AOAH: variants seen among roughly 807,000 people sequenced by gnomAD.
AOAH encodes the protein acyloxyacyl hydrolase, also known as acyloxyacyl hydrolase (neutrophil).
In AOAH, 64 loss-of-function variants were observed where a neutral mutation model predicts 92.2. The ratio of observed to expected loss-of-function variants is 0.69; its 90% confidence interval spans 0.57 to 0.86. AOAH has a LOEUF of 0.86. Among genes scored for constraint, AOAH ranks in the 40% least tolerant of loss-of-function variants. AOAH has a pLI of 0.00. For missense variants in AOAH, 656 were observed against 694.6 expected (o/e 0.94, Z 0.62); for synonymous variants, 263 against 254.5 (o/e 1.03, Z -0.32).
At chr7:36,560,774 A>C (rs1363675408) in intron 13 of AOAH, among the ~76,000 whole-genome samples, 3 of 152,194 alleles carry the variant, frequency 2.0e-5, no homozygotes, top group Non-Finnish European at 4.4e-5. Flanking sequence ...ACTATGCTGA[A>C]CAGGAGTGAT....
intron 5 of AOAH, among the ~76,000 whole-genome samples, chr7:36,635,582 T>C (rs1793460618): frequency 1.3e-5 from 2 of 152,060 alleles, no homozygotes; most frequent in African/African-American, 4.8e-5. Context: ...GCGGGTGGGT[T>C]TGTGATCAGG....
chr7:36,561,916 C>T (rs534896633), intron 13 of AOAH, among the ~76,000 whole-genome samples: 3 of 152,154 alleles, frequency 2.0e-5, no homozygotes, highest in East Asian at 3.9e-4. Context: ...GACAAGGATG[C>T]GAGACCAACG....
At chr7:36,595,628 T>C (rs1473564055) in intron 11 of AOAH, among the ~76,000 whole-genome samples, 6 of 152,248 alleles carry the variant, frequency 3.9e-5, no homozygotes, top group African/African-American at 1.4e-4. Context: ...TTAGTATGTC[T>C]CATGCATGCA....
intron 11 of AOAH, among the ~76,000 whole-genome samples, chr7:36,612,492 T>C (rs1791536446): frequency 6.6e-6 from 1 of 152,232 alleles, no homozygotes; most frequent in Non-Finnish European, 1.5e-5. Context: ...TATAAATAAA[T>C]ACCTCTGTGA....
At chr7:36,534,126 G>A (rs554004663) in intron 16 of AOAH, among the ~76,000 whole-genome samples, 104 of 152,258 alleles carry the variant, frequency 6.8e-4, no homozygotes, top group African/African-American at 1.6e-3. Context: ...CAGAGGGGCC[G>A]GAGTTTGTCC....
chr7:36,528,440 T>C (rs746667447), intron 19 of AOAH, among the ~76,000 whole-genome samples: 8 of 152,202 alleles, frequency 5.3e-5, no homozygotes, highest in Non-Finnish European at 1.2e-4. Context: ...ATAAAGCTCT[T>C]CTCTCTATAT....
intron 11 of AOAH, among the ~76,000 whole-genome samples, chr7:36,596,079 C>A (rs570620016): frequency 7.0e-4 from 107 of 152,186 alleles, no homozygotes; most frequent in African/African-American, 2.6e-3. Context: ...GAAAGTATGT[C>A]ATTGTTCTTT....
intron 2 of AOAH, among the ~76,000 whole-genome samples, chr7:36,676,424 C>T (rs1364992615): frequency 6.6e-6 from 1 of 152,154 alleles, no homozygotes; most frequent in Non-Finnish European, 1.5e-5. Flanking sequence ...AAAATATATA[C>T]TCTGAAAACT....
At chr7:36,663,600 A>G (rs1795349139) in intron 3 of AOAH, among the ~76,000 whole-genome samples, 1 of 152,184 alleles carries the variant, frequency 6.6e-6, no homozygotes, top group Admixed American at 6.5e-5. Context: ...TTTCTCACTT[A>G]GTAACACGCA....
intron 13 of AOAH, 60 bp downstream of exon 13, chr7:36,576,514 A>G: frequency 1.0e-6 from 1 of 977,848 alleles, no homozygotes; most frequent in Non-Finnish European, 1.5e-6. Context: ...TGAGGTACTT[A>G]TGAAATAAAC....
At chr7:36,703,267 C>T (rs1798142981) in intron 1 of AOAH, among the ~76,000 whole-genome samples, 1 of 152,130 alleles carries the variant, frequency 6.6e-6, no homozygotes. Context: ...TTTTGACCTC[C>T]TCCCAGGAAT....
intron 7 of AOAH, among the ~76,000 whole-genome samples, chr7:36,622,898 T>TAC (rs1792382055): frequency 6.6e-6 from 1 of 151,850 alleles, no homozygotes; most frequent in Non-Finnish European, 1.5e-5. Context: ...ATACAAACAC[T>TAC]ACCAAGGTGT....
intron 1 of AOAH, among the ~76,000 whole-genome samples, chr7:36,693,476 ATTC>A (rs1562703625): frequency 6.6e-6 from 1 of 152,062 alleles, no homozygotes; most frequent in South Asian, 2.1e-4. Flanking sequence ...ACCTCCTTGA[ATTC>A]TTCTTCAACC....
At chr7:36,541,602 A>G (rs1435728081) in intron 15 of AOAH, among the ~76,000 whole-genome samples, 1 of 152,232 alleles carries the variant, frequency 6.6e-6, no homozygotes, top group African/African-American at 2.4e-5. Flanking sequence ...TGCTATGCTC[A>G]CCACCTGGGT....
rs548703985 is a variant in AOAH at position 36,516,232 on chromosome 7, C to T, written c.1600-2852G>A. Among the ~76,000 whole-genome samples, 1 of 151,012 alleles carries T rather than the reference C, an allele frequency of 6.6e-6. No individual in the cohort carries two copies. The highest frequency in any genetic ancestry group is 2.4e-5 in the African/African-American group (1 of 41,100). On this transcript the variant is annotated intron_variant, in intron 20 of 20. Transcript: ENST00000617537. This position sits in a 1 kb window ranked among gnomAD's most constrained non-coding sequence, Gnocchi z 5.0. ...ACACACATCCTACACACACCCCACA[C>T]ACACCTCACACAGATACCACCACAT...
At chr7:36,710,379 G>T (rs34783369) in intron 1 of AOAH, among the ~76,000 whole-genome samples, 5,466 of 152,256 alleles carry the variant, frequency 0.036, 134 homozygotes, top group East Asian at 0.1. Flanking sequence ...TCTAGTAATT[G>T]AGAGTGATCC....
chr7:36,704,058 A>T (rs758088386), intron 1 of AOAH, among the ~76,000 whole-genome samples: 10 of 152,048 alleles, frequency 6.6e-5, no homozygotes, highest in Non-Finnish European at 1.0e-4. Flanking sequence ...AAGGTGTGAG[A>T]TGGTATCTCA....
intron 11 of AOAH, among the ~76,000 whole-genome samples, chr7:36,610,126 CTTTTTT>C (rs68170280): frequency 3.4e-5 from 3 of 89,440 alleles, no homozygotes; most frequent in Non-Finnish European, 6.0e-5. Flanking sequence ...TTTCTTTTTT[CTTTTTT>C]TTTTTAAGGA....
At chr7:36,599,595 C>T (rs756266600) in intron 11 of AOAH, 4 of 152,182 alleles carry the variant, frequency 2.6e-5, no homozygotes, top group African/African-American at 4.8e-5. Flanking sequence ...GTTAAATAAG[C>T]ATTGTTTTAT....
Sources: allele counts gnomAD v4.1 joint callset (sites outside exome capture counted in the v4.1 genomes callset), GRCh38; gene constraint gnomAD v4.1.1; non-coding constraint Gnocchi (gnomAD v3.1); transcripts MANE v1.5; gene names NCBI Gene and HGNC (gene_info 2026-07-23, HGNC 2026-07-21).